The following MANBA variants were observed in gnomAD, a reference collection of about 807,000 sequenced individuals.
The protein encoded by MANBA is mannosidase beta.
In MANBA, 83 loss-of-function variants were observed where a neutral mutation model predicts 111.1. The observed-to-expected ratio is 0.75, with a 90% CI of 0.63 to 0.90. The LOEUF (loss-of-function observed/expected upper bound fraction) is 0.90. Among genes scored for constraint, MANBA ranks in the 40% least tolerant of loss-of-function variants. The probability of loss-of-function intolerance (pLI) is 0.00; values close to 1 mark genes in which losing one functional copy is unlikely to be tolerated. For synonymous variants in MANBA, 370 were observed against 378.7 expected (o/e 0.98, Z 0.27); for missense variants, 1,036 against 1,069.0 (o/e 0.97, Z 0.43).
At chr4:102,749,112 A>G (rs906102422) in intron 1 of MANBA, among the ~76,000 whole-genome samples, 9 of 152,204 alleles carry the variant, frequency 5.9e-5, no homozygotes, top group African/African-American at 2.2e-4. Context: ...GAGAAAAAAA[A>G]ACAAAAAACT....
chr4:102,727,580 G>A (rs1722858456), intron 1 of MANBA: 1 of 1,606,046 alleles, frequency 6.2e-7, no homozygotes, highest in South Asian at 1.1e-5. Flanking sequence ...GAGAGCAATG[G>A]GTAATTGAAG....
At chr4:102,751,863 T>C in intron 1 of MANBA, 1 of 535,434 alleles carries the variant, frequency 1.9e-6, no homozygotes, top group Non-Finnish European at 3.7e-6. Context: ...AGATAGTTTG[T>C]CTTGCTTATT....
At chr4:102,723,071 C>A in intron 3 of MANBA, 30 bp from the exon 4 acceptor site, 1 of 1,599,736 alleles carries the variant, frequency 6.3e-7, no homozygotes, top group East Asian at 2.2e-5. Context: ...CAGACAAACC[C>A]ATGATGTGGA....
chr4:102,638,150 G>A (rs1245891427), intron 14 of MANBA, among the ~76,000 whole-genome samples: 2 of 152,168 alleles, frequency 1.3e-5, no homozygotes, highest in Admixed American at 6.5e-5. Context: ...TAGGCCAGGT[G>A]CGGTGGCTCA....
chr4:102,695,117 C>T (rs936586982), intron 5 of MANBA, among the ~76,000 whole-genome samples: 1 of 152,100 alleles, frequency 6.6e-6, no homozygotes, highest in Non-Finnish European at 1.5e-5. Flanking sequence ...GTATACTGCT[C>T]CTTCGTTCAG....
intron 5 of MANBA, among the ~76,000 whole-genome samples, chr4:102,703,274 A>C (rs1375299447): frequency 6.6e-6 from 1 of 152,198 alleles, no homozygotes; most frequent in African/African-American, 2.4e-5. Flanking sequence ...TAACTGAGGA[A>C]ATTATGACAA....
chr4:102,755,320 A>G (rs1202028675), intron 1 of MANBA, among the ~76,000 whole-genome samples: 2 of 152,178 alleles, frequency 1.3e-5, no homozygotes, highest in Admixed American at 6.5e-5. Flanking sequence ...AATACCACAC[A>G]TCTACAACCA....
rs142460506 is a variant in MANBA at position 102,653,046 on chromosome 4, G to T, written c.1705-2345C>A. Reference sequence around the variant, plus strand: ...GTCCCTAGTTCATTAAACCCAGAAGGATCTGAAGAAAATCGAACTGTCATA... The same window carrying T: ...GTCCCTAGTTCATTAAACCCAGAAGTATCTGAAGAAAATCGAACTGTCATA... On this transcript the variant is annotated intron_variant, in intron 12 of 16. Coordinates refer to ENST00000647097, the MANE Select transcript of MANBA (RefSeq NM_005908.4). Among the ~76,000 whole-genome samples, 11 of 152,204 alleles carry T rather than the reference G, an allele frequency of 7.2e-5. No individual in the cohort carries two copies. In the South Asian group the frequency reaches 8.3e-4, roughly 11 times the overall value.
rs564943443 is a variant in MANBA at position 102,664,272 on chromosome 4, A to G, written c.1485+413T>C. On this transcript the variant is annotated intron_variant, in intron 11 of 16. Coordinates refer to ENST00000647097, the MANE Select transcript of MANBA (RefSeq NM_005908.4). The stretch of plus-strand genomic sequence containing the variant: ...CAATGGGATACCCTGTATTCAAACG[A>G]TACTGTTGAAGACAGCCCTAAAAAG... 1.8e-4 allele frequency among the ~76,000 whole-genome samples: 28 copies of G among 152,234 alleles called. 1 individual carries two copies. The South Asian group carries it at 5.8e-3, about 32-fold the overall frequency.
intron 14 of MANBA, among the ~76,000 whole-genome samples, chr4:102,636,593 T>C (rs1167104743): frequency 2.6e-5 from 4 of 152,186 alleles, no homozygotes; most frequent in Admixed American, 2.6e-4. Context: ...ATACCTCCCC[T>C]ACTGCACGCA....
At chr4:102,657,640 G>T in intron 12 of MANBA, 42 bp downstream of exon 12, 1 of 1,453,796 alleles carries the variant, frequency 6.9e-7, no homozygotes, top group Non-Finnish European at 9.7e-7. Flanking sequence ...CATGCCCACA[G>T]TCTATCATTC....
intron 5 of MANBA, among the ~76,000 whole-genome samples, chr4:102,699,671 C>A (rs1009562006): frequency 6.7e-6 from 1 of 150,028 alleles, no homozygotes; most frequent in Non-Finnish European, 1.5e-5. Flanking sequence ...GATTGATTTG[C>A]ATATATTGAA....
Position 102,634,833 on chromosome 4 carries a change from C to G in MANBA, c.2370G>C (p.Leu790Phe). The change falls in exon 16 of 17, where the codon TTG becomes TTC. Residue 790 changes from leucine to phenylalanine, a missense_variant. Physicochemically the swap from Leu to Phe is conservative, Grantham distance 22 (BLOSUM62 0). Coordinates refer to ENST00000647097, the MANE Select transcript of MANBA (RefSeq NM_005908.4). The part of the protein sequence containing the change: ...ELLSPTNYHF[L>F]SSPKEAVGLC... The stretch of plus-strand genomic sequence containing the variant: ...GCCCCACGGCCTCCTTCGGTGAGGA[C>G]AAGAAGTGGTAGTTGGTCGGGCTCA... 1 of 1,614,176 alleles carries G rather than the reference C, an allele frequency of 6.2e-7. No individual in the cohort carries two copies. The highest frequency in any genetic ancestry group is 2.2e-5 in the East Asian group (1 of 44,876).
chr4:102,684,897 C>A (rs958355098), intron 7 of MANBA, among the ~76,000 whole-genome samples: 2 of 152,164 alleles, frequency 1.3e-5, no homozygotes, highest in African/African-American at 4.8e-5. Flanking sequence ...TCATGAATTG[C>A]TTATTTCTGG....
chr4:102,714,292 AT>A (rs1270046679), intron 5 of MANBA, 145 bp downstream of exon 5: 2 of 785,314 alleles, frequency 2.5e-6, no homozygotes, highest in Admixed American at 5.2e-5. Flanking sequence ...GTTTGTACCT[AT>A]TTTTTACTTT....
intron 5 of MANBA, among the ~76,000 whole-genome samples, chr4:102,699,271 G>T (rs1326432982): frequency 1.3e-5 from 2 of 150,364 alleles, no homozygotes; most frequent in South Asian, 4.2e-4. Flanking sequence ...AGACAATGGG[G>T]TTTTCTAGAT....
chr4:102,728,793 G>T, intron 1 of MANBA: 1 of 943,864 alleles, frequency 1.1e-6, no homozygotes, highest in Non-Finnish European at 1.6e-6. Flanking sequence ...CTCCCATCAT[G>T]GGTCTCGATC....
intron 5 of MANBA, among the ~76,000 whole-genome samples, chr4:102,702,534 T>C (rs1049062443): frequency 1.1e-4 from 16 of 152,282 alleles, no homozygotes; most frequent in African/African-American, 3.9e-4. Context: ...GATGGGTTTT[T>C]GGTGTGGATG....
At chr4:102,752,031 G>T (rs1255180113) in intron 1 of MANBA, 1 of 747,748 alleles carries the variant, frequency 1.3e-6, no homozygotes, top group Admixed American at 1.7e-5. Context: ...CCTGGGATAA[G>T]ATGCTAAAGA....
Sources: gnomAD v4.1 joint callset for allele counts (sites outside exome capture counted in the v4.1 genomes callset) on GRCh38, gnomAD v4.1.1 for gene constraint, MANE v1.5 for transcripts, NCBI Gene and HGNC (gene_info 2026-07-23, HGNC 2026-07-21) for gene names.